GFPT1: variants seen among roughly 807,000 people sequenced by gnomAD.
The protein encoded by GFPT1 is glutamine--fructose-6-phosphate transaminase 1.
In GFPT1, 40 loss-of-function variants were observed where a neutral mutation model predicts 92.0. That is an observed-to-expected ratio of 0.43 (90% CI 0.34 to 0.57). The LOEUF (loss-of-function observed/expected upper bound fraction) is 0.57, where lower values mean the gene tolerates loss of function less well. Ranked by LOEUF, GFPT1 falls within the 20% of genes least tolerant of loss-of-function variation. GFPT1 has a pLI of 0.02. For missense variants in GFPT1, 448 were observed against 869.1 expected (o/e 0.52, Z 6.09); for synonymous variants, 269 against 280.6 (o/e 0.96, Z 0.41).
intron 1 of GFPT1, among the ~76,000 whole-genome samples, chr2:69,377,801 A>G (rs1215974379): frequency 1.3e-5 from 2 of 152,228 alleles, no homozygotes; most frequent in Admixed American, 6.5e-5. Flanking sequence ...TGATAGCACT[A>G]CTAGCCCAAG....
In GFPT1 at chr2:69,354,266, T is replaced by C; in HGVS notation, c.732A>G (p.Gly244=). ...GSKFTRWGSQ[G]ERGKDKKGSC... ...GCAGAGTGCATTTCCCACCTCTTTCTCCCTGTGATCCCCACCGTGTGAATT... is the reference window on the plus strand; with the variant it reads ...GCAGAGTGCATTTCCCACCTCTTTCCCCCTGTGATCCCCACCGTGTGAATT... Residue 244 remains glycine, a synonymous_variant, in exon 9 of 20, where the codon GGA becomes GGG. Transcript: ENST00000357308. 6.3e-7 allele frequency: 1 copy of C among 1,588,716 alleles called. No homozygotes were observed. The highest frequency in any genetic ancestry group is 8.5e-7 in the Non-Finnish European group (1 of 1,173,556).
intron 1 of GFPT1, among the ~76,000 whole-genome samples, chr2:69,377,207 C>CAAAA (rs59023245): frequency 5.9e-5 from 5 of 84,352 alleles, no homozygotes; most frequent in African/African-American, 1.4e-4. Context: ...GACTCCGTCT[C>CAAAA]AAAAAAAAAA....
intron 15 of GFPT1, among the ~76,000 whole-genome samples, chr2:69,336,229 C>G (rs1455235098): frequency 4.0e-5 from 6 of 151,096 alleles, no homozygotes; most frequent in Non-Finnish European, 7.4e-5. Flanking sequence ...ATCCCAGCTA[C>G]CTGGGAGGCT....
chr2:69,371,092 T>G (rs1474843887), intron 2 of GFPT1, among the ~76,000 whole-genome samples: 3 of 150,324 alleles, frequency 2.0e-5, no homozygotes, highest in African/African-American at 4.9e-5. Context: ...TTTTTTTTTT[T>G]TTGAGACAGG....
At chr2:69,353,565 C>T (rs764913704) in intron 9 of GFPT1, among the ~76,000 whole-genome samples, 1 of 151,656 alleles carries the variant, frequency 6.6e-6, no homozygotes, top group African/African-American at 2.4e-5. Context: ...TGATGGCACA[C>T]GCTTGTAGTA....
chr2:69,362,783 C>T (rs1040772481), intron 4 of GFPT1, among the ~76,000 whole-genome samples: 3 of 151,556 alleles, frequency 2.0e-5, no homozygotes, highest in South Asian at 2.1e-4. Flanking sequence ...GGCGACACAG[C>T]GAGACTTGGT....
At chr2:69,378,698 C>T (rs1281198527) in intron 1 of GFPT1, among the ~76,000 whole-genome samples, 1 of 152,136 alleles carries the variant, frequency 6.6e-6, no homozygotes, top group South Asian at 2.1e-4. Context: ...AAAACTGACT[C>T]GTCAAATTAT....
intron 4 of GFPT1, among the ~76,000 whole-genome samples, chr2:69,362,587 G>A (rs1191708482): frequency 6.6e-6 from 1 of 151,978 alleles, no homozygotes; most frequent in Non-Finnish European, 1.5e-5. Context: ...CACAAGGTCA[G>A]GAGATCGAGA....
At chr2:69,358,218 TA>T (rs1671387092) in intron 6 of GFPT1, 110 bp downstream of exon 6, 1 of 892,496 alleles carries the variant, frequency 1.1e-6, no homozygotes, top group Non-Finnish European at 1.8e-6. Context: ...ATATGAGAAA[TA>T]AAAGCCAAAA....
chr2:69,355,691 A>T (rs1476129981), intron 7 of GFPT1, among the ~76,000 whole-genome samples: 1 of 152,146 alleles, frequency 6.6e-6, no homozygotes, highest in African/African-American at 2.4e-5. Flanking sequence ...CAATATATGA[A>T]AGTGTAGCAC....
intron 9 of GFPT1, among the ~76,000 whole-genome samples, chr2:69,351,331 A>G (rs1322379254): frequency 6.6e-6 from 1 of 152,212 alleles, no homozygotes; most frequent in African/African-American, 2.4e-5. Flanking sequence ...TAGGAAAAAA[A>G]TCTATTAGTT....
intron 1 of GFPT1, among the ~76,000 whole-genome samples, 175 bp from the exon 2 acceptor site, chr2:69,374,288 A>C (rs1432253152): frequency 1.3e-5 from 2 of 151,144 alleles, no homozygotes; most frequent in African/African-American, 4.9e-5. Context: ...TAAAAAACTA[A>C]ACATGTCAAA....
At chr2:69,337,687 A>G (rs989446925) in intron 15 of GFPT1, among the ~76,000 whole-genome samples, 2 of 152,188 alleles carry the variant, frequency 1.3e-5, no homozygotes, top group Non-Finnish European at 2.9e-5. Context: ...GAAGAGGGAG[A>G]GAATGACAAG....
chr2:69,350,425 T>A (rs1407843555), intron 9 of GFPT1, among the ~76,000 whole-genome samples: 1 of 152,158 alleles, frequency 6.6e-6, no homozygotes, highest in Non-Finnish European at 1.5e-5. Flanking sequence ...CTACATTATA[T>A]GTTTTTTTAA....
intron 7 of GFPT1, 64 bp downstream of exon 7, chr2:69,356,432 C>T (rs1671339738): frequency 4.4e-6 from 5 of 1,131,074 alleles, no homozygotes; most frequent in East Asian, 2.3e-5. Flanking sequence ...GTATAGTCTA[C>T]GAAGAATAAA....
intron 15 of GFPT1, among the ~76,000 whole-genome samples, chr2:69,331,953 TA>T (rs1241161426): frequency 6.6e-6 from 1 of 152,236 alleles, no homozygotes; most frequent in African/African-American, 2.4e-5. Flanking sequence ...GGTGCTGACA[TA>T]ATTTTTTAAC....
intron 12 of GFPT1, among the ~76,000 whole-genome samples, chr2:69,345,357 A>G (rs760833653): frequency 6.6e-6 from 1 of 152,156 alleles, no homozygotes; most frequent in Non-Finnish European, 1.5e-5. Context: ...ACCTCTGGGG[A>G]AGTTCACACT....
chr2:69,369,956 G>A, intron 3 of GFPT1, 45 bp downstream of exon 3: 2 of 1,080,536 alleles, frequency 1.9e-6, no homozygotes, highest in South Asian at 1.2e-5. Flanking sequence ...GAGGGGAAAA[G>A]GAAGAGAAGG....
intron 1 of GFPT1, among the ~76,000 whole-genome samples, chr2:69,384,919 T>C (rs1672097727): frequency 6.6e-6 from 1 of 152,084 alleles, no homozygotes; most frequent in Non-Finnish European, 1.5e-5. Flanking sequence ...GAATTTTAGT[T>C]CAATGACTAA....
Sources: gnomAD v4.1 joint callset for allele counts (sites outside exome capture counted in the v4.1 genomes callset) on GRCh38, gnomAD v4.1.1 for gene constraint, MANE v1.5 for transcripts, NCBI Gene and HGNC (gene_info 2026-07-23, HGNC 2026-07-21) for gene names.